NEGR1: variants seen among roughly 807,000 people sequenced by gnomAD.
NEGR1 encodes the protein IgLON family member 4.
In NEGR1, 10 loss-of-function variants were observed where a neutral mutation model predicts 40.9. The observed-to-expected ratio is 0.24, with a 90% CI of 0.15 to 0.42. NEGR1 has a LOEUF of 0.42. Among genes scored for constraint, NEGR1 ranks in the 10% least tolerant of loss-of-function variants. NEGR1 has a pLI of 1.00. For synonymous variants in NEGR1, 185 were observed against 166.8 expected, an observed-to-expected ratio of 1.11 and a Z score of -0.84; for missense variants, 352 against 438.9, an observed-to-expected ratio of 0.80 and a Z score of 1.77.
At chr1:71,846,412 CACAA>C (rs1488033110) in intron 2 of NEGR1, among the ~76,000 whole-genome samples, 43 of 121,406 alleles carry the variant, frequency 3.5e-4, no homozygotes, top group African/African-American at 1.2e-3. Context: ...CAAACACACA[CACAA>C]ACACACACAC....
chr1:71,852,077 A>G (rs1212408144), intron 2 of NEGR1, among the ~76,000 whole-genome samples: 2 of 152,182 alleles, frequency 1.3e-5, no homozygotes, highest in African/African-American at 4.8e-5. Context: ...AGCTACTGAC[A>G]AACATTTAAA....
intron 2 of NEGR1, among the ~76,000 whole-genome samples, chr1:71,931,249 T>C (rs1645852970): frequency 6.6e-6 from 1 of 152,218 alleles, no homozygotes; most frequent in Non-Finnish European, 1.5e-5. Context: ...ACTTAGAGTG[T>C]ATTTCCTTGA....
At chr1:72,136,948 C>T (rs1650491384) in intron 1 of NEGR1, among the ~76,000 whole-genome samples, 1 of 152,148 alleles carries the variant, frequency 6.6e-6, no homozygotes, top group African/African-American at 2.4e-5. Context: ...TATTAACAGA[C>T]ACTTCTCAGA....
intron 4 of NEGR1, among the ~76,000 whole-genome samples, chr1:71,624,873 T>C (rs1277756822): frequency 6.6e-6 from 1 of 151,972 alleles, no homozygotes; most frequent in Non-Finnish European, 1.5e-5. Flanking sequence ...ATGGTATATA[T>C]TTACTTCTTT....
chr1:71,678,787 T>C (rs923513865), intron 4 of NEGR1, among the ~76,000 whole-genome samples: 1 of 152,130 alleles, frequency 6.6e-6, no homozygotes, highest in African/African-American at 2.4e-5. Flanking sequence ...ACATGATGTA[T>C]TCAGAGTTTT....
chr1:71,883,931 AAAC>A (rs1238472576), intron 2 of NEGR1, among the ~76,000 whole-genome samples: 2 of 152,142 alleles, frequency 1.3e-5, no homozygotes, highest in African/African-American at 4.8e-5. Context: ...GAAAATATTT[AAAC>A]AAGACAAAAT....
At chr1:71,898,725 T>C (rs918390215) in intron 2 of NEGR1, among the ~76,000 whole-genome samples, 1 of 151,194 alleles carries the variant, frequency 6.6e-6, no homozygotes, top group African/African-American at 2.4e-5. Flanking sequence ...GCAATAATTG[T>C]GTTTAAATAA....
intron 6 of NEGR1, 84 bp from the exon 7 acceptor site, chr1:71,407,654 A>G (rs1646286982): frequency 1.5e-6 from 2 of 1,359,386 alleles, no homozygotes; most frequent in Non-Finnish European, 2.1e-6. Flanking sequence ...AGCCAGGTGC[A>G]TCGGGGAAAG....
chr1:72,061,708 T>G (rs1397254600), intron 1 of NEGR1, among the ~76,000 whole-genome samples: 2 of 151,820 alleles, frequency 1.3e-5, no homozygotes, highest in African/African-American at 4.8e-5. Flanking sequence ...TCACAGAAAT[T>G]TCAGCCCCCT....
intron 3 of NEGR1, among the ~76,000 whole-genome samples, chr1:71,774,143 G>C (rs569129003): frequency 1.7e-4 from 26 of 152,254 alleles, no homozygotes; most frequent in African/African-American, 6.3e-4. Context: ...AATAGCCAAG[G>C]ATTATTATCA....
At chr1:72,168,005 A>ATT (rs10633272) in intron 1 of NEGR1, among the ~76,000 whole-genome samples, 4,592 of 139,620 alleles carry the variant, frequency 0.033, 132 homozygotes, top group South Asian at 0.085. Context: ...TATTATTATT[A>ATT]TTTTTTTTTT....
At chr1:72,080,367 A>C (rs1647943813) in intron 1 of NEGR1, among the ~76,000 whole-genome samples, 1 of 151,990 alleles carries the variant, frequency 6.6e-6, no homozygotes, top group Non-Finnish European at 1.5e-5. Context: ...TATCTTCCAG[A>C]TTTATCGTAT....
chr1:71,650,158 G>A (rs1427441979), intron 4 of NEGR1, among the ~76,000 whole-genome samples: 5 of 152,086 alleles, frequency 3.3e-5, no homozygotes, highest in Non-Finnish European at 5.9e-5. Context: ...GAAAAGCCTC[G>A]GTTCTCCACT....
chr1:71,949,057 TG>T (rs1385107787), intron 1 of NEGR1, among the ~76,000 whole-genome samples: 1 of 152,162 alleles, frequency 6.6e-6, no homozygotes, highest in Admixed American at 6.6e-5. Flanking sequence ...TATTGTACTT[TG>T]GGTTCAGACT....
intron 6 of NEGR1, among the ~76,000 whole-genome samples, chr1:71,572,360 A>G (rs1326292338): frequency 6.6e-6 from 1 of 152,216 alleles, no homozygotes; most frequent in Non-Finnish European, 1.5e-5. Flanking sequence ...TGTTCAGATC[A>G]AGACCACGTC....
chr1:72,070,270 A>G (rs1013066257), intron 1 of NEGR1, among the ~76,000 whole-genome samples: 1 of 152,036 alleles, frequency 6.6e-6, no homozygotes, highest in Non-Finnish European at 1.5e-5. Context: ...GTATTCAATA[A>G]CTTTTTTAAA....
chr1:71,779,832 G>T (rs1431282556), intron 2 of NEGR1, among the ~76,000 whole-genome samples: 1 of 152,016 alleles, frequency 6.6e-6, no homozygotes, highest in Non-Finnish European at 1.5e-5. Context: ...GCCTCCCAAA[G>T]TGCTGGGTTT....
In NEGR1 at chr1:71,405,477, T is replaced by C. The variant is rs1646272925; in HGVS notation, c.*1969A>G. On this transcript the variant is annotated 3_prime_UTR_variant, in exon 7 of 7. Transcript: ENST00000357731. ...AGAATATTTCTTAAAAGCAAATAAA[T>C]AATAAAGTTAAATGCCATATTTGTT... 6.6e-6 allele frequency: 1 copy of C among 152,224 alleles called. No homozygotes were observed. Among genetic ancestry groups the C allele is most frequent in the Admixed American group, 6.6e-5 (1 of 15,206 alleles). The allele number at this position is 152,224 out of a possible 1,614,324, so 9.4% of individuals were successfully genotyped here. A position where few individuals can be genotyped will look rare whatever the true frequency, so the allele number is the denominator to read the frequency against.
chr1:72,247,607 T>A (rs1654943124), intron 1 of NEGR1, among the ~76,000 whole-genome samples: 1 of 152,196 alleles, frequency 6.6e-6, no homozygotes, highest in African/African-American at 2.4e-5. Context: ...CCTCACCATC[T>A]TGGTCTTCAT....
Sources: allele counts gnomAD v4.1 joint callset (sites outside exome capture counted in the v4.1 genomes callset), GRCh38; gene constraint gnomAD v4.1.1; transcripts MANE v1.5; gene names NCBI Gene and HGNC (gene_info 2026-07-23, HGNC 2026-07-21).